DAAM2: variants seen among roughly 807,000 people sequenced by gnomAD.
The protein encoded by DAAM2 is disheveled-associated activator of morphogenesis 2.
A neutral mutation model predicts 120.7 loss-of-function variants in DAAM2; 39 were observed. The ratio of observed to expected loss-of-function variants is 0.32; its 90% CI spans 0.25 to 0.42. The LOEUF (loss-of-function observed/expected upper bound fraction) is 0.42, where lower values mean the gene tolerates loss of function less well. Among genes scored for constraint, DAAM2 ranks in the 10% least tolerant of loss-of-function variants. The pLI, the probability that DAAM2 is intolerant of heterozygous loss-of-function variation, is 1.00. For missense variants in DAAM2, 1,283 were observed against 1,401.7 expected, an observed-to-expected ratio of 0.92 and a Z score of 1.35; for synonymous variants, 488 against 524.9, an observed-to-expected ratio of 0.93 and a Z score of 0.96.
chr6:39,896,873 C>G lies in DAAM2; in HGVS notation c.2403C>G (p.Val801=). The change falls in exon 20 of 25, where the codon GTC becomes GTG. Residue 801 remains valine, a synonymous_variant. Transcript: ENST00000274867. ...AGCGTCTTAGACAGATGCTAGAGGTCATCCTAGCCATAGGCAACTTCATGA... is the reference window on the plus strand; with the variant it reads ...AGCGTCTTAGACAGATGCTAGAGGTGATCCTAGCCATAGGCAACTTCATGA... The part of the protein sequence containing the change: ...RSKRLRQMLE[V]ILAIGNFMNK... 6.2e-7 allele frequency: 1 copy of G among 1,613,588 alleles called. No homozygotes were observed.
intron 1 of DAAM2, among the ~76,000 whole-genome samples, chr6:39,853,506 G>A (rs998468951): frequency 6.6e-6 from 1 of 152,288 alleles, no homozygotes; most frequent in East Asian, 1.9e-4. Context: ...GTACTCAGGG[G>A]AGATGCTCTA....
At chr6:39,890,088 A>G (rs1765612532) in intron 17 of DAAM2, among the ~76,000 whole-genome samples, 1 of 152,036 alleles carries the variant, frequency 6.6e-6, no homozygotes, top group Admixed American at 6.6e-5. Flanking sequence ...AGATGGTGCC[A>G]TTGCACTCCA....
intron 15 of DAAM2, 127 bp downstream of exon 15, chr6:39,884,196 CT>C: frequency 1.6e-6 from 1 of 616,916 alleles, no homozygotes; most frequent in Admixed American, 2.8e-5. Flanking sequence ...CCATCTTCCC[CT>C]TCCCTTCCTT....
At chr6:39,886,147 C>G (rs1765369825) in intron 15 of DAAM2, 1 of 355,882 alleles carries the variant, frequency 2.8e-6, no homozygotes, top group Non-Finnish European at 5.0e-6. Context: ...GTTTGGTCTG[C>G]CCTAACTGGG....
Position 39,876,990 on chromosome 6 carries a change from C to G in DAAM2, c.1302-1213C>G, listed in dbSNP as rs771638433. On this transcript the variant is annotated intron_variant, in intron 11 of 24. Transcript: ENST00000274867. ...GACGTCAGTGTGTTCCTGGAATCTT[C>G]AGAAGTTCCTTGCTGGGTGCCTCTC... 6.1e-4 allele frequency among the ~76,000 whole-genome samples: 93 copies of G among 152,220 alleles called. 1 individual carries two copies. The highest frequency in any genetic ancestry group is 1.1e-3 in the Non-Finnish European group (77 of 68,032).
chr6:39,896,764 T>C, intron 19 of DAAM2, 48 bp from the exon 20 acceptor site: 2 of 1,477,862 alleles, frequency 1.4e-6, no homozygotes, highest in Admixed American at 5.1e-5. Flanking sequence ...TGAGAACTGC[T>C]GCCCTGCCTA....
intron 14 of DAAM2, chr6:39,879,816 A>G (rs868648493): frequency 1.3e-4 from 58 of 429,704 alleles, no homozygotes; most frequent in African/African-American, 1.2e-3. Flanking sequence ...GGATGGAAAA[A>G]TAAGCAAAGA....
chr6:39,831,381 G>A (rs2114196284), intron 1 of DAAM2, among the ~76,000 whole-genome samples: 1 of 152,188 alleles, frequency 6.6e-6, no homozygotes, highest in East Asian at 1.9e-4. Context: ...CTGAATAGGT[G>A]CCTGGTGCTA....
chr6:39,856,181 A>T (rs1763993956), intron 1 of DAAM2, 66 bp from the exon 2 acceptor site: 14 of 1,296,042 alleles, frequency 1.1e-5, no homozygotes, highest in Admixed American at 4.1e-5. Flanking sequence ...ATGAAGGCAG[A>T]GTGACCTCTG....
chr6:39,851,850 A>G (rs1336053954), intron 1 of DAAM2, among the ~76,000 whole-genome samples: 3 of 152,238 alleles, frequency 2.0e-5, no homozygotes, highest in Admixed American at 6.5e-5. Flanking sequence ...TGAGGCCCAG[A>G]GAGACTAACA....
At chr6:39,797,140 T>A (rs1207998134) in intron 1 of DAAM2, among the ~76,000 whole-genome samples, 1 of 152,146 alleles carries the variant, frequency 6.6e-6, no homozygotes, top group Non-Finnish European at 1.5e-5. Context: ...TGTGACCCTC[T>A]ATTGGAATAA....
chr6:39,892,595 A>G (rs1358303242), intron 19 of DAAM2, among the ~76,000 whole-genome samples: 1 of 152,222 alleles, frequency 6.6e-6, no homozygotes, highest in East Asian at 1.9e-4. Flanking sequence ...AATAAGCAGG[A>G]GAGGCTGGGA....
intron 15 of DAAM2, chr6:39,884,488 A>C (rs1028547107): frequency 6.2e-6 from 1 of 160,626 alleles, no homozygotes; most frequent in African/African-American, 2.4e-5. Context: ...AAGGCATAAT[A>C]ACTTCTCAAA....
rs1554167552 is a variant in DAAM2 at position 39,818,204 on chromosome 6, A to AAC, written c.-57+25740_-57+25741insCA. ...AATTAAAAAAAAAAAAAAAAAAAAA[A>AAC]AACTTCACAGTAACCTTTATACTGG... On this transcript the variant is annotated intron_variant, in intron 1 of 24. Transcript: ENST00000274867. Among the ~76,000 whole-genome samples, 311 of 146,304 alleles carry AAC rather than the reference A, an allele frequency of 2.1e-3. 8 individuals are homozygous for AAC. The East Asian group carries it at 0.04, about 19-fold the overall frequency.
intron 1 of DAAM2, among the ~76,000 whole-genome samples, chr6:39,798,868 A>G (rs1761778185): frequency 7.5e-6 from 1 of 133,902 alleles, no homozygotes; most frequent in African/African-American, 2.6e-5. Flanking sequence ...CAACTCTGTC[A>G]TCACATTGAA....
chr6:39,830,614 A>G (rs1279570441), intron 1 of DAAM2, among the ~76,000 whole-genome samples: 1 of 152,160 alleles, frequency 6.6e-6, no homozygotes, highest in Non-Finnish European at 1.5e-5. Context: ...AAGCAAGTCC[A>G]GGCCTTGGGC....
chr6:39,855,114 G>C (rs1413231898), intron 1 of DAAM2, among the ~76,000 whole-genome samples: 1 of 152,206 alleles, frequency 6.6e-6, no homozygotes, highest in Non-Finnish European at 1.5e-5. Context: ...AAAAAATTAA[G>C]ATCTATAAGT....
intron 17 of DAAM2, chr6:39,889,175 T>C (rs1342652865): frequency 1.3e-5 from 2 of 153,950 alleles, no homozygotes; most frequent in South Asian, 4.1e-4. Context: ...ATATTTGCTA[T>C]ACATACATAT....
chr6:39,836,879 A>C (rs1763122608), intron 1 of DAAM2, among the ~76,000 whole-genome samples: 1 of 152,232 alleles, frequency 6.6e-6, no homozygotes, highest in Admixed American at 6.5e-5. Flanking sequence ...CTAGCTGTAA[A>C]ATAGGAACAA....
Sources: allele counts gnomAD v4.1 joint callset (sites outside exome capture counted in the v4.1 genomes callset), GRCh38; gene constraint gnomAD v4.1.1; transcripts MANE v1.5; gene names NCBI Gene and HGNC (gene_info 2026-07-23, HGNC 2026-07-21).